PAPPA2: variants seen among roughly 807,000 people sequenced by gnomAD.
PAPPA2 encodes the protein pappalysin 2, also known as pappalysin-2.
In PAPPA2, 86 loss-of-function variants were observed where a neutral mutation model predicts 176.4. The observed-to-expected ratio is 0.49, with a 90% CI of 0.41 to 0.58. The LOEUF (loss-of-function observed/expected upper bound fraction) is 0.58. Among genes scored for constraint, PAPPA2 ranks in the 20% least tolerant of loss-of-function variants. PAPPA2 has a pLI of 0.00. For missense variants in PAPPA2, 2,073 were observed against 2,256.9 expected, an observed-to-expected ratio of 0.92 and a Z score of 1.65; for synonymous variants, 809 against 852.2, an observed-to-expected ratio of 0.95 and a Z score of 0.88.
chr1:176,647,826 G>A (rs1657495539), intron 3 of PAPPA2, among the ~76,000 whole-genome samples: 1 of 151,482 alleles, frequency 6.6e-6, no homozygotes, highest in Admixed American at 6.6e-5. Flanking sequence ...CCAGTAACAT[G>A]CCATTTTGGC....
chr1:176,687,753 T>G (rs1268079868), intron 4 of PAPPA2, among the ~76,000 whole-genome samples: 1 of 152,188 alleles, frequency 6.6e-6, no homozygotes, highest in Non-Finnish European at 1.5e-5. Context: ...ACTTTTTTTT[T>G]TTCATCTTTG....
intron 3 of PAPPA2, among the ~76,000 whole-genome samples, chr1:176,634,154 T>A (rs1656521422): frequency 6.6e-6 from 1 of 152,194 alleles, no homozygotes. Flanking sequence ...GTATGTTTAT[T>A]GCAACACTAC....
At chr1:176,568,699 A>G (rs190536749) in intron 2 of PAPPA2, among the ~76,000 whole-genome samples, 3 of 152,230 alleles carry the variant, frequency 2.0e-5, no homozygotes, top group African/African-American at 7.2e-5. Context: ...CACTCTCCAC[A>G]TGACATGTAA....
At chr1:176,517,124 A>G (rs1648958540) in intron 1 of PAPPA2, among the ~76,000 whole-genome samples, 2 of 152,306 alleles carry the variant, frequency 1.3e-5, no homozygotes, top group African/African-American at 4.8e-5. Context: ...AAACCAGGAA[A>G]AAATTTCCGT....
At chr1:176,566,305 T>C (rs1056818275) in intron 2 of PAPPA2, among the ~76,000 whole-genome samples, 10 of 151,906 alleles carry the variant, frequency 6.6e-5, no homozygotes, top group African/African-American at 2.4e-4. Flanking sequence ...CAGGCAGTGG[T>C]GTAGAGGGGT....
intron 3 of PAPPA2, among the ~76,000 whole-genome samples, chr1:176,619,227 G>A (rs1655446696): frequency 6.6e-6 from 1 of 152,152 alleles, no homozygotes; most frequent in African/African-American, 2.4e-5. Flanking sequence ...TGTGTGCCTT[G>A]GAGCTGCCTT....
intron 2 of PAPPA2, among the ~76,000 whole-genome samples, chr1:176,571,875 A>G (rs1478279862): frequency 2.0e-5 from 3 of 152,238 alleles, no homozygotes; most frequent in Admixed American, 2.0e-4. Flanking sequence ...TTATGGGTTC[A>G]GCCCAATCCT....
chr1:176,714,402 C>G (rs1410602970), intron 12 of PAPPA2, among the ~76,000 whole-genome samples: 3 of 150,168 alleles, frequency 2.0e-5, no homozygotes, highest in African/African-American at 7.4e-5. Context: ...CTTAGCCTTA[C>G]TGGGAGAAAA....
chr1:176,729,350 G>C (rs756343787), intron 12 of PAPPA2, among the ~76,000 whole-genome samples: 1 of 151,880 alleles, frequency 6.6e-6, no homozygotes, highest in African/African-American at 2.4e-5. Context: ...CTTTTCATCT[G>C]TTTCCTTTAC....
Position 176,759,033 on chromosome 1 carries a change from A to G in PAPPA2, c.4152-6633A>G, listed in dbSNP as rs138724128. On this transcript the variant is annotated intron_variant, in intron 14 of 22. Coordinates refer to ENST00000367662, the MANE Select transcript of PAPPA2 (RefSeq NM_020318.3). Reference sequence around the variant, plus strand: ...GCAAGCCAAGACCAGAACCCAAGTCATGTGGCCTTGGTCTACTACTTTCTT... The same window carrying G: ...GCAAGCCAAGACCAGAACCCAAGTCGTGTGGCCTTGGTCTACTACTTTCTT... Among the ~76,000 whole-genome samples, 1,523 of 152,352 alleles carry G rather than the reference A, an allele frequency of 1.0e-2. 29 individuals are homozygous for G. The highest frequency in any genetic ancestry group is 0.034 in the African/African-American group (1,408 of 41,586).
chr1:176,696,001 TGTGTG>T, intron 7 of PAPPA2, 142 bp downstream of exon 7: 1 of 1,148,752 alleles, frequency 8.7e-7, no homozygotes, highest in Non-Finnish European at 1.2e-6. Flanking sequence ...TGTGTGTGTG[TGTGTG>T]TTTTGCTGGA....
rs758999128 is a variant in PAPPA2, at chr1:176,595,080, G to A, written c.1476G>A (p.Ser492=). The A allele has an allele frequency of 1.2e-5, 20 of 1,613,980 alleles. No individual in the cohort carries two copies. The highest frequency in any genetic ancestry group is 1.1e-4 in the South Asian group (10 of 91,082). Residue 492 remains serine (S), a synonymous_variant, in exon 3 of 23, where the codon TCG becomes TCA. Transcript: ENST00000367662. The part of the protein sequence containing the change: ...QGFEPEPEIL[S]PLQPPLCGQT... Reference sequence around the variant, plus strand: ...TTGAGCCAGAGCCTGAGATTCTGTCGCCTTTGCAGCCCCCACTCTGTGGGC... The same window carrying A: ...TTGAGCCAGAGCCTGAGATTCTGTCACCTTTGCAGCCCCCACTCTGTGGGC...
intron 2 of PAPPA2, among the ~76,000 whole-genome samples, chr1:176,588,610 T>C (rs1477042420): frequency 2.6e-5 from 4 of 152,224 alleles, no homozygotes; most frequent in Admixed American, 2.0e-4. Flanking sequence ...GATTTTTGTA[T>C]CTCAGTGGCC....
rs35060883 is a variant in PAPPA2 at position 176,595,155 on chromosome 1, GC to G, written c.1555del (p.Leu519PhefsTer6). The G allele has an allele frequency of 6.2e-7, 1 of 1,614,222 alleles. No homozygotes were observed. The highest frequency in any genetic ancestry group is 1.1e-5 in the South Asian group (1 of 91,088). On this transcript the variant is annotated frameshift_variant, in exon 3 of 23. Transcript: ENST00000367662. LOFTEE classifies it high-confidence loss of function. ...ELISQYNGYW[P>X]LRGEKVIRYQ... Reference sequence around the variant, plus strand: ...TGATCTCCCAGTACAATGGATACTGGCCCCTTCGGGGAGAGAAGGTGATACG... The same window carrying G: ...TGATCTCCCAGTACAATGGATACTGGCCCTTCGGGGAGAGAAGGTGATACG...
chr1:176,822,074 G>C (rs1277998232), intron 21 of PAPPA2, among the ~76,000 whole-genome samples: 1 of 152,186 alleles, frequency 6.6e-6, no homozygotes, highest in Admixed American at 6.5e-5. Flanking sequence ...ATGCAAAGTG[G>C]AGCAGAAATA....
chr1:176,561,329 G>A (rs776605400), intron 2 of PAPPA2, among the ~76,000 whole-genome samples: 4 of 152,176 alleles, frequency 2.6e-5, no homozygotes, highest in Admixed American at 6.5e-5. Flanking sequence ...GCCCACCATA[G>A]GGCTTGGCCA....
chr1:176,477,182 C>A (rs1022493999), intron 1 of PAPPA2, among the ~76,000 whole-genome samples: 2 of 152,170 alleles, frequency 1.3e-5, no homozygotes, highest in African/African-American at 2.4e-5. Flanking sequence ...CACCCCACTT[C>A]CTCTCAGGAT....
At chr1:176,496,686 G>A (rs926899485) in intron 1 of PAPPA2, among the ~76,000 whole-genome samples, 2 of 152,176 alleles carry the variant, frequency 1.3e-5, no homozygotes, top group Non-Finnish European at 2.9e-5. Context: ...GTGGACAAAT[G>A]ATGAGCCACG....
At chr1:176,806,453 T>C (rs1441408491) in intron 21 of PAPPA2, among the ~76,000 whole-genome samples, 1 of 152,234 alleles carries the variant, frequency 6.6e-6, no homozygotes, top group South Asian at 2.1e-4. Context: ...TTCTGTGAAG[T>C]TGCATAGTGG....
Sources: allele counts gnomAD v4.1 joint callset (sites outside exome capture counted in the v4.1 genomes callset), GRCh38; gene constraint gnomAD v4.1.1; transcripts MANE v1.5; gene names NCBI Gene and HGNC (gene_info 2026-07-23, HGNC 2026-07-21).